The following MEF2D variants were observed in gnomAD, a reference collection of about 807,000 sequenced individuals.
The protein encoded by MEF2D is myocyte-specific enhancer factor 2D.
In MEF2D, 10 loss-of-function variants were observed where a neutral mutation model predicts 59.3. The ratio of observed to expected loss-of-function variants is 0.17; its 90% CI spans 0.10 to 0.29. The LOEUF is 0.29. MEF2D is among the 10% of genes least tolerant of loss of function. MEF2D has a pLI of 1.00. For synonymous variants in MEF2D, 305 were observed against 295.0 expected (o/e 1.03, Z -0.35); for missense variants, 508 against 699.4 (o/e 0.73, Z 3.09).
chr1:156,497,619 C>T (rs1024030437), intron 1 of MEF2D, among the ~76,000 whole-genome samples: 5 of 152,190 alleles, frequency 3.3e-5, no homozygotes, highest in African/African-American at 9.7e-5. Context: ...ACCACTCTCT[C>T]GACTAGAGGG....
rs1425440528 is a variant in MEF2D, at chr1:156,468,625, C to G, written c.1247+155G>C. Among the ~76,000 whole-genome samples the G allele has an allele frequency of 6.6e-6, 1 of 152,164 alleles. No individual in the cohort carries two copies. The highest frequency in any genetic ancestry group is 1.5e-5 in the Non-Finnish European group (1 of 68,016). On this transcript the variant is annotated intron_variant, in intron 10 of 11. Coordinates refer to ENST00000348159, the MANE Select transcript of MEF2D (RefSeq NM_005920.4). The surrounding 1 kb of genome is among the most constrained non-coding windows in gnomAD (Gnocchi z 4.3). Reference sequence around the variant, plus strand: ...CCTCTTGGGTCTGTACAAGAGAGCCCAGGGGTGCCACTGTTGCCTAACAGA... The same window carrying G: ...CCTCTTGGGTCTGTACAAGAGAGCCGAGGGGTGCCACTGTTGCCTAACAGA...
rs1228383471 is a variant in MEF2D, at chr1:156,466,792, T to C, written c.*853A>G. ...AGGGGTGGGGAGCTATTGCACTGTA[T>C]ATCTTAGAGAAAAACTGGGGAAGGG... On this transcript the variant is annotated 3_prime_UTR_variant, in exon 12 of 12. Transcript: ENST00000348159. 6.5e-6 allele frequency: 1 copy of C among 152,768 alleles called. No individual in the cohort carries two copies. Among genetic ancestry groups the C allele is most frequent in the African/African-American group, 2.4e-5 (1 of 41,404 alleles). The allele number at this position is 152,768 out of a possible 1,614,324, so 9.5% of individuals were successfully genotyped here.
intron 9 of MEF2D, among the ~76,000 whole-genome samples, chr1:156,471,289 C>A (rs1341856418): frequency 6.6e-6 from 1 of 152,148 alleles, no homozygotes; most frequent in Middle Eastern, 3.2e-3. Flanking sequence ...CACCATCACG[C>A]CCAGCTAATT....
intron 1 of MEF2D, among the ~76,000 whole-genome samples, chr1:156,488,789 G>A (rs1672546110): frequency 6.6e-6 from 1 of 152,208 alleles, no homozygotes; most frequent in Non-Finnish European, 1.5e-5. Flanking sequence ...GAGCGGTGAA[G>A]GGGAGAGGTC....
At chr1:156,484,898 C>T (rs906869643) in intron 1 of MEF2D, among the ~76,000 whole-genome samples, 1 of 152,188 alleles carries the variant, frequency 6.6e-6, no homozygotes, top group Non-Finnish European at 1.5e-5. Context: ...GACGGAGGCA[C>T]GGAATGACTT....
At chr1:156,477,291 C>T in intron 6 of MEF2D, 89 bp from the exon 7 acceptor site, 1 of 1,168,616 alleles carries the variant, frequency 8.6e-7, no homozygotes, top group Non-Finnish European at 1.2e-6. Flanking sequence ...CTCCTGTTAC[C>T]CGGAACCTCT....
chr1:156,465,924 G>A lies in MEF2D; in HGVS notation c.*1721C>T, dbSNP rs1670809879. 6.6e-6 allele frequency: 1 copy of A among 152,188 alleles called. No homozygotes were observed. Among genetic ancestry groups the A allele is most frequent in the African/African-American group, 2.4e-5 (1 of 41,430 alleles). The allele number at this position is 152,188 out of a possible 1,614,324, so 9.4% of individuals were successfully genotyped here. On this transcript the variant is annotated 3_prime_UTR_variant, in exon 12 of 12. Transcript: ENST00000348159. Reference sequence around the variant, plus strand: ...TCTCCAACTGGGAGGAAACCCCAAGGGGGCGCCGCACCCCTTGGGCAGAGG... The same window carrying A: ...TCTCCAACTGGGAGGAAACCCCAAGAGGGCGCCGCACCCCTTGGGCAGAGG...
At position 156,468,451 on chromosome 1, in the gene MEF2D, A is replaced by C. The variant is rs867978796; in HGVS notation, c.1248-152T>G. The stretch of plus-strand genomic sequence containing the variant: ...GTTGGGGAGAGGCAATTGGATGGAG[A>C]GTGATCAGAAGAGGGTCGAATGAAG... On this transcript the variant is annotated intron_variant, in intron 10 of 11. Transcript: ENST00000348159. The surrounding 1 kb of genome is among the most constrained non-coding windows in gnomAD (Gnocchi z 4.3). 1.0e-4 allele frequency: 66 copies of C among 629,006 alleles called. No homozygotes were observed. The Middle Eastern group carries it at 2.2e-3, about 21-fold the overall frequency. The allele number at this position is 629,006 out of a possible 1,614,324, so 39.0% of individuals were successfully genotyped here.
At chr1:156,480,476 G>A (rs943768093) in intron 4 of MEF2D, among the ~76,000 whole-genome samples, 2 of 152,198 alleles carry the variant, frequency 1.3e-5, no homozygotes, top group Admixed American at 1.3e-4. Flanking sequence ...TCCCAGTAGA[G>A]TCTCAGCAGG....
At position 156,483,427 on chromosome 1, in the gene MEF2D, C is replaced by A; in HGVS notation, c.-135G>T. On this transcript the variant is annotated 5_prime_UTR_variant, in exon 2 of 12. Coordinates refer to ENST00000348159, the MANE Select transcript of MEF2D (RefSeq NM_005920.4). Reference sequence around the variant, plus strand: ...GGTCTGCAGGATACCTTCTGCACAGCCTCCTGGAAAGGGAGGGTCATGAGA... The same window carrying A: ...GGTCTGCAGGATACCTTCTGCACAGACTCCTGGAAAGGGAGGGTCATGAGA... 1 of 848,412 alleles carries A rather than the reference C, an allele frequency of 1.2e-6. No homozygotes were observed. The highest frequency in any genetic ancestry group is 2.5e-5 in the East Asian group (1 of 39,536). The allele number at this position is 848,412 out of a possible 1,614,324, so 52.6% of individuals were successfully genotyped here.
At chr1:156,499,056 G>A (rs1489433184) in intron 1 of MEF2D, among the ~76,000 whole-genome samples, 1 of 152,180 alleles carries the variant, frequency 6.6e-6, no homozygotes, top group Non-Finnish European at 1.5e-5. Flanking sequence ...AGACCTTCCT[G>A]TTGGGGTTGG....
chr1:156,476,981 GC>G (rs1671655789), intron 7 of MEF2D, 30 bp downstream of exon 7: 1 of 1,611,786 alleles, frequency 6.2e-7, no homozygotes, highest in Non-Finnish European at 8.5e-7. Flanking sequence ...CCATTCCCCA[GC>G]CCCCACCCTT....
Position 156,479,296 on chromosome 1 carries a change from G to C in MEF2D, c.658C>G (p.Pro220Ala). Residue 220 changes from proline (P) to alanine (A), a missense_variant, in exon 6 of 12, where the codon CCT (proline) becomes GCT (alanine). Around this residue, in one of 2 missense-constraint regions of MEF2D, gnomAD observed 481 missense variants for 584.7 expected, o/e 0.82. Transcript: ENST00000348159. Reference protein sequence around the residue: ...LNSANGACPSPVGNGYVSARA... With the variant: ...LNSANGACPSAVGNGYVSARA... ...GAAGGATGACTGCACTCACCAACAG[G>C]GCTGGGGCAGGCTCCGTTAGCACTG... The C allele has an allele frequency of 6.2e-7, 1 of 1,612,198 alleles. No individual in the cohort carries two copies. Among genetic ancestry groups the C allele is most frequent in the Non-Finnish European group, 8.5e-7 (1 of 1,179,246 alleles).
At position 156,468,173 on chromosome 1, in the gene MEF2D, C is replaced by T. The variant is rs774822042; in HGVS notation, c.1374G>A (p.Val458=). ...CAGGCTCAGGGCGGGCAGCTGGGAA[C>T]ACAGCTGGAGGGGGAGGCGCAGGGC... ...ERSPAPPPPA[V]FPAARPEPGD... is the part of the protein sequence containing the mutation. Residue 458 remains valine, a synonymous_variant, in exon 11 of 12, where the codon GTG becomes GTA. Transcript: ENST00000348159. The surrounding 1 kb of genome is among the most constrained non-coding windows in gnomAD (Gnocchi z 4.3). 14 of 1,613,852 alleles carry T rather than the reference C, an allele frequency of 8.7e-6. No homozygotes were observed. The highest frequency in any genetic ancestry group is 1.7e-4 in the Middle Eastern group (1 of 6,058).
In MEF2D at chr1:156,482,398, G is replaced by C. The variant is rs750624893; in HGVS notation, c.258+39C>G. The C allele has an allele frequency of 3.1e-6, 5 of 1,608,326 alleles. No homozygotes were observed. The South Asian group carries it at 5.5e-5, about 18-fold the overall frequency. On this transcript the variant is annotated intron_variant, in intron 3 of 11. Coordinates refer to ENST00000348159, the MANE Select transcript of MEF2D (RefSeq NM_005920.4). Reference sequence around the variant, plus strand: ...GTGGGCACGTGTCCATGTGGATGCAGGCGGGGGTATATCCTGGTGCCTGTG... The same window carrying C: ...GTGGGCACGTGTCCATGTGGATGCACGCGGGGGTATATCCTGGTGCCTGTG...
At chr1:156,480,799 G>A (rs200395694) in intron 4 of MEF2D, 35 bp downstream of exon 4, 21 of 1,595,116 alleles carry the variant, frequency 1.3e-5, no homozygotes, top group African/African-American at 4.0e-5. Context: ...GGGCCGGAAG[G>A]GGGGGCCAAC....
chr1:156,494,220 C>T (rs1672992791), intron 1 of MEF2D, among the ~76,000 whole-genome samples: 1 of 152,090 alleles, frequency 6.6e-6, no homozygotes, highest in African/African-American at 2.4e-5. Flanking sequence ...CTTGATCCAA[C>T]TGGAGTGGGA....
At chr1:156,489,963 A>G (rs1285432478) in intron 1 of MEF2D, among the ~76,000 whole-genome samples, 1 of 152,144 alleles carries the variant, frequency 6.6e-6, no homozygotes, top group African/African-American at 2.4e-5. Flanking sequence ...CCTCCCTAGT[A>G]CAGAGACACA....
chr1:156,468,088 G>A lies in MEF2D; in HGVS notation c.1459C>T (p.Arg487Trp), dbSNP rs150822197. The A allele has an allele frequency of 3.7e-6, 6 of 1,613,950 alleles. No homozygotes were observed. The highest frequency in any genetic ancestry group is 1.7e-5 in the Admixed American group (1 of 59,986). Residue 487 changes from arginine (R) to tryptophan (W), a missense_variant, in exon 11 of 12, where the codon CGG (arginine) becomes TGG (tryptophan). Arg to Trp is a moderately radical substitution (Grantham distance 101). Coordinates refer to ENST00000348159, the MANE Select transcript of MEF2D (RefSeq NM_005920.4). This position sits in a 1 kb window ranked among gnomAD's most constrained non-coding sequence, Gnocchi z 4.3. ...CCCAGTGTGGGCCCGAAGTCCCCCC[G>A]TCCGTCATCCCGGTCTCCCGTCTCA... Reference protein sequence around the residue: ...SYETGDRDDGRGDFGPTLGLL... With the variant: ...SYETGDRDDGWGDFGPTLGLL...
Sources: gnomAD v4.1 joint callset for allele counts (sites outside exome capture counted in the v4.1 genomes callset) on GRCh38, gnomAD v4.1.1 for gene constraint, gnomAD v4.1.1 regional missense constraint, Gnocchi (gnomAD v3.1) non-coding constraint, MANE v1.5 for transcripts, NCBI Gene and HGNC (gene_info 2026-07-23, HGNC 2026-07-21) for gene names.